MYO5B: variants seen among roughly 807,000 people sequenced by gnomAD.
MYO5B encodes the protein myosin VB.
In MYO5B, 143 loss-of-function variants were observed where a neutral mutation model predicts 229.3. The ratio of observed to expected loss-of-function variants is 0.62; its 90% CI spans 0.54 to 0.72. MYO5B has a LOEUF of 0.72. Among genes scored for constraint, MYO5B ranks in the 30% least tolerant of loss-of-function variants. MYO5B has a pLI of 0.00. For missense variants in MYO5B, 2,321 were observed against 2,331.0 expected, an observed-to-expected ratio of 1.00 and a Z score of 0.09; for synonymous variants, 918 against 885.2, an observed-to-expected ratio of 1.04 and a Z score of -0.66.
chr18:49,939,677 CT>C (rs2144218352), intron 14 of MYO5B, among the ~76,000 whole-genome samples: 1 of 152,322 alleles, frequency 6.6e-6, no homozygotes, highest in East Asian at 1.9e-4. Flanking sequence ...TCTCAAAGGG[CT>C]GCTAGTCAGT....
chr18:50,036,852 G>C lies in MYO5B; in HGVS notation c.453C>G (p.Ala151=). 6.2e-7 allele frequency: 1 copy of C among 1,614,060 alleles called. No homozygotes were observed. The highest frequency in any genetic ancestry group is 8.5e-7 in the Non-Finnish European group (1 of 1,180,016). Residue 151 remains alanine (A), a splice_region_variant and synonymous_variant, in exon 4 of 40, where the codon GCC becomes GCG. Transcript: ENST00000285039. ...TTCTGGGCTGAGGACATTCTCACCT[G>C]GCCATCTGCTTGTAGGCTTCTTCTG... ...AVAEEAYKQM[A]RDEKNQSIIV... is the part of the protein sequence containing the mutation.
chr18:50,105,133 G>A (rs565030540), intron 1 of MYO5B, among the ~76,000 whole-genome samples: 2 of 151,750 alleles, frequency 1.3e-5, no homozygotes, highest in Admixed American at 1.3e-4. Context: ...CCAAGATGAG[G>A]CTGGAAGAAG....
At chr18:50,133,963 A>G (rs1324381529) in intron 1 of MYO5B, among the ~76,000 whole-genome samples, 1 of 152,234 alleles carries the variant, frequency 6.6e-6, no homozygotes, top group Non-Finnish European at 1.5e-5. Flanking sequence ...TGCCTTATGT[A>G]TAAGAAAAGA....
intron 12 of MYO5B, among the ~76,000 whole-genome samples, chr18:49,954,699 T>C (rs935088498): frequency 6.6e-6 from 1 of 152,188 alleles, no homozygotes; most frequent in African/African-American, 2.4e-5. Flanking sequence ...CTGGAAGTGC[T>C]AGGGAGGATG....
chr18:50,158,763 C>T (rs2032720133), intron 1 of MYO5B, among the ~76,000 whole-genome samples: 1 of 152,244 alleles, frequency 6.6e-6, no homozygotes, highest in South Asian at 2.1e-4. Flanking sequence ...GAACATGCCC[C>T]ATTATGGTCT....
At chr18:50,000,604 GT>G (rs2026035672) in intron 5 of MYO5B, among the ~76,000 whole-genome samples, 2 of 152,176 alleles carry the variant, frequency 1.3e-5, no homozygotes, top group South Asian at 4.1e-4. Context: ...GCAAGATCTA[GT>G]TTTTAGCAAA....
chr18:49,972,381 C>T (rs1051365804), intron 10 of MYO5B, among the ~76,000 whole-genome samples: 4 of 152,114 alleles, frequency 2.6e-5, no homozygotes, highest in South Asian at 2.1e-4. Context: ...AAAAACCCAG[C>T]GGAAGATCAC....
At chr18:49,995,053 C>T (rs1362596481) in intron 5 of MYO5B, among the ~76,000 whole-genome samples, 2 of 151,986 alleles carry the variant, frequency 1.3e-5, no homozygotes, top group Non-Finnish European at 2.9e-5. Flanking sequence ...AAGTGGCAAC[C>T]CCAAGATAGA....
intron 1 of MYO5B, among the ~76,000 whole-genome samples, chr18:50,059,292 G>C (rs1046501178): frequency 2.0e-5 from 3 of 152,186 alleles, no homozygotes; most frequent in Non-Finnish European, 4.4e-5. Flanking sequence ...TATGAACATG[G>C]AGATGTAGCT....
intron 1 of MYO5B, among the ~76,000 whole-genome samples, chr18:50,141,597 T>C (rs562012677): frequency 6.6e-6 from 1 of 152,346 alleles, no homozygotes; most frequent in South Asian, 2.1e-4. Context: ...CTTTCTGATA[T>C]GGCCATACCC....
intron 14 of MYO5B, among the ~76,000 whole-genome samples, chr18:49,939,045 C>T (rs1397053195): frequency 2.0e-5 from 3 of 152,028 alleles, no homozygotes; most frequent in African/African-American, 4.8e-5. Flanking sequence ...TGAGAGAATC[C>T]GTGTAAGCAT....
intron 1 of MYO5B, among the ~76,000 whole-genome samples, chr18:50,132,270 T>C (rs572117136): frequency 9.2e-5 from 14 of 152,218 alleles, no homozygotes; most frequent in African/African-American, 3.4e-4. Flanking sequence ...GAGCAGAGCA[T>C]AATGGTTACA....
Position 50,171,961 on chromosome 18 carries a change from T to C in MYO5B, c.27+22806A>G, listed in dbSNP as rs2032924564. Among the ~76,000 whole-genome samples the C allele has an allele frequency of 3.2e-5, 2 of 63,202 alleles. 1 individual carries two copies. Among genetic ancestry groups the C allele is most frequent in the African/African-American group, 1.2e-4 (2 of 16,212 alleles). 41.5% of individuals were successfully genotyped at this position (63,202 alleles called of 152,430 possible). On this transcript the variant is annotated intron_variant, in intron 1 of 39. Coordinates refer to ENST00000285039, the MANE Select transcript of MYO5B (RefSeq NM_001080467.3). ...GTGCCTATTTACTAAAAGACATATA[T>C]GAATTCTTAAGAGGATTAAACCAGA...
chr18:49,889,151 A>G (rs948353748), intron 22 of MYO5B, among the ~76,000 whole-genome samples: 2 of 152,236 alleles, frequency 1.3e-5, no homozygotes, highest in African/African-American at 4.8e-5. Flanking sequence ...TTTTTTAAAT[A>G]AATGTGTTTA....
intron 39 of MYO5B, among the ~76,000 whole-genome samples, chr18:49,829,135 G>A (rs1250064586): frequency 2.0e-5 from 3 of 149,874 alleles, no homozygotes; most frequent in South Asian, 2.1e-4. Context: ...AGGCTGGAGT[G>A]CAGTGGTGTG....
chr18:49,957,142 C>CAAAAAAAAAAAA (rs71169467), intron 12 of MYO5B, among the ~76,000 whole-genome samples: 16 of 58,734 alleles, frequency 2.7e-4, no homozygotes, highest in East Asian at 1.2e-3. Flanking sequence ...AATAAAGTAG[C>CAAAAAAAAAAAA]AAAAAAAAAA....
rs11313115 is a variant in MYO5B, at chr18:49,939,148, C to CTTT, written c.1753-1754_1753-1752dup. Among the ~76,000 whole-genome samples the CTTT allele has an allele frequency of 9.7e-3, 1,158 of 119,018 alleles. 17 individuals carry two copies. The highest frequency in any genetic ancestry group is 0.014 in the Non-Finnish European group (845 of 61,102). The allele number at this position is 119,018 out of a possible 152,430, so 78.1% of individuals were successfully genotyped here. ...TACATTAACACTCTTTCTTTTTTTT[C>CTTT]TTTTTTTTTTTTTTTTTTGAAACAG... On this transcript the variant is annotated intron_variant, in intron 14 of 39. Coordinates refer to ENST00000285039, the MANE Select transcript of MYO5B (RefSeq NM_001080467.3).
chr18:50,052,367 A>G (rs1447477638), intron 2 of MYO5B, among the ~76,000 whole-genome samples: 3 of 147,094 alleles, frequency 2.0e-5, no homozygotes, highest in Non-Finnish European at 3.0e-5. Flanking sequence ...ATGAAATACT[A>G]TGCAGCCATA....
intron 4 of MYO5B, among the ~76,000 whole-genome samples, chr18:50,032,999 T>C (rs986018735): frequency 1.3e-5 from 2 of 151,386 alleles, no homozygotes; most frequent in Non-Finnish European, 2.9e-5. Context: ...AAAAAAAAAA[T>C]GTGTTTTCAT....
Sources: gnomAD v4.1 joint callset for allele counts (sites outside exome capture counted in the v4.1 genomes callset) on GRCh38, gnomAD v4.1.1 for gene constraint, MANE v1.5 for transcripts, NCBI Gene and HGNC (gene_info 2026-07-23, HGNC 2026-07-21) for gene names.